The following KIAA1217 variants were observed in gnomAD, a reference collection of about 807,000 sequenced individuals.
KIAA1217 encodes KIAA1217.
KIAA1217 carries 88 observed loss-of-function variants against 163.9 expected under a neutral mutation model. The observed-to-expected ratio is 0.54, with a 90% confidence interval of 0.45 to 0.64. The LOEUF (loss-of-function observed/expected upper bound fraction) is 0.64. Among genes scored for constraint, KIAA1217 ranks in the 30% least tolerant of loss-of-function variants. The pLI is 0.00. For synonymous variants in KIAA1217, 903 were observed against 923.1 expected, an observed-to-expected ratio of 0.98 and a Z score of 0.39; for missense variants, 2,372 against 2,475.0, an observed-to-expected ratio of 0.96 and a Z score of 0.88.
intron 2 of KIAA1217, among the ~76,000 whole-genome samples, chr10:24,335,377 C>CT (rs2046211144): frequency 6.6e-6 from 1 of 150,426 alleles, no homozygotes; most frequent in South Asian, 2.1e-4. Flanking sequence ...ACTGCAACCT[C>CT]CGTCTCCCTG....
At chr10:24,515,098 G>A (rs963636686) in intron 10 of KIAA1217, among the ~76,000 whole-genome samples, 3 of 151,778 alleles carry the variant, frequency 2.0e-5, no homozygotes. Context: ...TTGGAGTCTT[G>A]CTCTGTTGCC....
At chr10:23,885,913 A>AG (rs1457308928) in intron 1 of KIAA1217, among the ~76,000 whole-genome samples, 2 of 152,106 alleles carry the variant, frequency 1.3e-5, no homozygotes, top group African/African-American at 4.8e-5. Flanking sequence ...TCATTGAAAC[A>AG]GGAACAATTG....
chr10:23,728,285 C>T (rs11511191), intron 1 of KIAA1217, among the ~76,000 whole-genome samples: 33,335 of 151,986 alleles, frequency 0.22, 3,872 homozygotes, highest in African/African-American at 0.28. Flanking sequence ...CCACCAATAG[C>T]GTGAAAGTGT....
chr10:24,442,980 G>A (rs150059591), intron 5 of KIAA1217, among the ~76,000 whole-genome samples: 23 of 147,340 alleles, frequency 1.6e-4, no homozygotes, highest in African/African-American at 4.3e-4. Context: ...TTGCAATCTC[G>A]GCTCATTGCA....
At chr10:24,475,815 C>A (rs1456023280) in intron 6 of KIAA1217, among the ~76,000 whole-genome samples, 1 of 152,162 alleles carries the variant, frequency 6.6e-6, no homozygotes, top group Non-Finnish European at 1.5e-5. Context: ...GTCTTGGAAG[C>A]CTGTGTTGCA....
chr10:24,029,533 A>G (rs1416505506), intron 2 of KIAA1217, among the ~76,000 whole-genome samples: 1 of 152,152 alleles, frequency 6.6e-6, no homozygotes. Flanking sequence ...ACCCTCTGTA[A>G]TATAATTCTG....
chr10:24,355,970 A>T (rs1370173807), intron 2 of KIAA1217, among the ~76,000 whole-genome samples: 1 of 151,534 alleles, frequency 6.6e-6, no homozygotes. Flanking sequence ...GCTGGTCTCA[A>T]ACTCCTGACT....
At chr10:24,396,695 C>G (rs368330859) in intron 3 of KIAA1217, among the ~76,000 whole-genome samples, 1 of 151,986 alleles carries the variant, frequency 6.6e-6, no homozygotes, top group Non-Finnish European at 1.5e-5. Flanking sequence ...TGCAAAAGCC[C>G]GAGAAAGAGC....
chr10:24,279,900 G>T (rs1248063501), intron 2 of KIAA1217, among the ~76,000 whole-genome samples: 2 of 152,204 alleles, frequency 1.3e-5, no homozygotes, highest in Admixed American at 6.5e-5. Flanking sequence ...TTCTAAGGGG[G>T]TTCTCTAAGT....
At chr10:23,851,017 T>TTTA (rs1564474764) in intron 1 of KIAA1217, among the ~76,000 whole-genome samples, 1 of 151,980 alleles carries the variant, frequency 6.6e-6, no homozygotes, top group African/African-American at 2.4e-5. Context: ...TACAATTTTT[T>TTTA]TTATTATTAT....
intron 1 of KIAA1217, among the ~76,000 whole-genome samples, chr10:23,712,781 T>G (rs1471357552): frequency 6.6e-6 from 1 of 152,188 alleles, no homozygotes; most frequent in Non-Finnish European, 1.5e-5. Context: ...ATCTAATTAC[T>G]AATAGCTATA....
At chr10:23,897,589 A>G (rs1000670538) in intron 1 of KIAA1217, among the ~76,000 whole-genome samples, 4 of 152,006 alleles carry the variant, frequency 2.6e-5, no homozygotes, top group African/African-American at 9.7e-5. Flanking sequence ...GTGAATCACA[A>G]TCCTTTCTGT....
chr10:24,226,500 G>C (rs1317058711), intron 2 of KIAA1217, among the ~76,000 whole-genome samples: 1 of 151,914 alleles, frequency 6.6e-6, no homozygotes, highest in Non-Finnish European at 1.5e-5. Flanking sequence ...AAATTAGCTG[G>C]GCATGGAGGC....
At chr10:24,504,210 T>G (rs1274773820) in intron 9 of KIAA1217, among the ~76,000 whole-genome samples, 1 of 152,244 alleles carries the variant, frequency 6.6e-6, no homozygotes, top group Non-Finnish European at 1.5e-5. Context: ...CTAGGAATGC[T>G]GTGTTAACCA....
intron 2 of KIAA1217, among the ~76,000 whole-genome samples, chr10:24,112,143 T>C (rs1227065949): frequency 1.3e-5 from 2 of 152,148 alleles, no homozygotes; most frequent in Non-Finnish European, 1.5e-5. Flanking sequence ...TTCCTGTAAT[T>C]TTAAGATTTT....
intron 2 of KIAA1217, among the ~76,000 whole-genome samples, chr10:24,156,982 A>T (rs2064906451): frequency 6.6e-6 from 1 of 152,226 alleles, no homozygotes. Context: ...TGATTAAAGT[A>T]CATCTTAAGT....
intron 1 of KIAA1217, among the ~76,000 whole-genome samples, chr10:23,887,236 T>C (rs1386583753): frequency 2.0e-5 from 3 of 152,064 alleles, no homozygotes; most frequent in Admixed American, 6.6e-5. Context: ...AGTCTTTTTT[T>C]AAAATTTAAA....
At chr10:24,406,313 C>T (rs961846197) in intron 3 of KIAA1217, among the ~76,000 whole-genome samples, 2 of 151,962 alleles carry the variant, frequency 1.3e-5, no homozygotes, top group Admixed American at 6.6e-5. Context: ...CTATGGATGT[C>T]CTATATGTAA....
At chr10:24,024,193 T>G (rs1043247514) in intron 2 of KIAA1217, among the ~76,000 whole-genome samples, 21 of 151,740 alleles carry the variant, frequency 1.4e-4, no homozygotes, top group African/African-American at 5.1e-4. Context: ...ATATACAATT[T>G]TATAGGTTTT....
Sources: allele counts gnomAD v4.1 joint callset (sites outside exome capture counted in the v4.1 genomes callset), GRCh38; gene constraint gnomAD v4.1.1; transcripts MANE v1.5; gene names NCBI Gene and HGNC (gene_info 2026-07-23, HGNC 2026-07-21).